The following PHTF2 variants were observed in gnomAD, a reference collection of about 807,000 sequenced individuals.
PHTF2 encodes putative homeodomain transcription factor 2.
A neutral mutation model predicts 101.2 loss-of-function variants in PHTF2; 60 were observed. That is an observed-to-expected ratio of 0.59 (90% confidence interval 0.48 to 0.73). PHTF2 has a LOEUF of 0.73. Among genes scored for constraint, PHTF2 ranks in the 30% least tolerant of loss-of-function variants. The pLI is 0.00. For synonymous variants in PHTF2, 311 were observed against 307.3 expected, an observed-to-expected ratio of 1.01 and a Z score of -0.13; for missense variants, 747 against 908.7, an observed-to-expected ratio of 0.82 and a Z score of 2.29.
intron 11 of PHTF2, chr7:77,923,724 A>G (rs1803697637): frequency 2.0e-6 from 2 of 985,086 alleles, no homozygotes; most frequent in South Asian, 4.7e-5. Context: ...GTCTTACTGT[A>G]TGTACTGTTA....
At chr7:77,950,092 C>CTAT (rs1396720426) in intron 17 of PHTF2, among the ~76,000 whole-genome samples, 1 of 152,112 alleles carries the variant, frequency 6.6e-6, no homozygotes, top group Admixed American at 6.5e-5. Flanking sequence ...GTATTTTAAA[C>CTAT]TATGAATGGG....
chr7:77,938,055 T>C (rs1584769607), intron 13 of PHTF2: 2 of 221,452 alleles, frequency 9.0e-6, no homozygotes, highest in East Asian at 9.2e-5. Flanking sequence ...TGACCAAGAA[T>C]AGATGATACG....
chr7:77,942,234 C>T (rs1164650196), intron 15 of PHTF2, among the ~76,000 whole-genome samples: 6 of 152,198 alleles, frequency 3.9e-5, no homozygotes, highest in Admixed American at 3.3e-4. Flanking sequence ...TATCTCAAAG[C>T]ATCCTATGTC....
intron 5 of PHTF2, 45 bp downstream of exon 4, chr7:77,894,038 T>C: frequency 4.9e-6 from 7 of 1,425,058 alleles, no homozygotes; most frequent in Non-Finnish European, 6.9e-6. Context: ...CCTGTGCAAA[T>C]GCTGGTCTGC....
At chr7:77,824,539 C>T (rs1041402195) in intron 1 of PHTF2, among the ~76,000 whole-genome samples, 1 of 152,088 alleles carries the variant, frequency 6.6e-6, no homozygotes, top group Non-Finnish European at 1.5e-5. Flanking sequence ...AATTCTCCTG[C>T]CTCAGCCTCC....
intron 1 of PHTF2, among the ~76,000 whole-genome samples, chr7:77,818,890 ATTTG>A (rs1316289385): frequency 1.3e-5 from 2 of 151,754 alleles, no homozygotes; most frequent in Non-Finnish European, 2.9e-5. Flanking sequence ...GATGTCTTTC[ATTTG>A]TTTGTATCCT....
chr7:77,866,899 A>G (rs1798112751), intron 3 of PHTF2, among the ~76,000 whole-genome samples: 1 of 152,248 alleles, frequency 6.6e-6, no homozygotes, highest in Non-Finnish European at 1.5e-5. Context: ...ACCAGAGTAT[A>G]TGCTATGATG....
At chr7:77,863,383 AG>A (rs573421577) in intron 3 of PHTF2, among the ~76,000 whole-genome samples, 114 of 152,326 alleles carry the variant, frequency 7.5e-4, no homozygotes, top group Middle Eastern at 3.4e-3. Flanking sequence ...TCAAAATGGT[AG>A]GCAGCAGGGT....
chr7:77,842,250 C>T (rs1175500819), intron 2 of PHTF2, among the ~76,000 whole-genome samples: 1 of 152,118 alleles, frequency 6.6e-6, no homozygotes, highest in Non-Finnish European at 1.5e-5. Flanking sequence ...TTAACACAGT[C>T]TGGAGTGCTG....
chr7:77,864,455 A>AT (rs1797892418), intron 3 of PHTF2, among the ~76,000 whole-genome samples: 1 of 152,054 alleles, frequency 6.6e-6, no homozygotes, highest in African/African-American at 2.4e-5. Flanking sequence ...GCCTATAACG[A>AT]TTTTTCTGGT....
chr7:77,923,084 T>C lies in PHTF2; in HGVS notation c.1119+306T>C, dbSNP rs138561796. ...AATCTGCAAACTCCTGTGTTCACTT[T>C]TTCCACAATTTGAAAGGCTTTATAC... On this transcript the variant is annotated intron_variant, in intron 11 of 19. Transcript: ENST00000416283. The C allele has an allele frequency of 1.8e-4, 191 of 1,042,624 alleles. 2 individuals carry two copies. The African/African-American group carries it at 3.0e-3, about 16-fold the overall frequency. The allele number at this position is 1,042,624 out of a possible 1,614,324, so 64.6% of individuals were successfully genotyped here.
chr7:77,811,433 C>G (rs1421724812), intron 1 of PHTF2, among the ~76,000 whole-genome samples: 3 of 152,182 alleles, frequency 2.0e-5, no homozygotes, highest in Non-Finnish European at 4.4e-5. Flanking sequence ...TATCCTACTA[C>G]TCTCAAACTT....
intron 1 of PHTF2, among the ~76,000 whole-genome samples, chr7:77,808,437 C>G (rs1793160958): frequency 6.6e-6 from 1 of 152,188 alleles, no homozygotes; most frequent in African/African-American, 2.4e-5. Context: ...GTCTCCTCAT[C>G]ATGAATTATA....
At chr7:77,942,429 T>A (rs1418240870) in intron 15 of PHTF2, among the ~76,000 whole-genome samples, 1 of 152,232 alleles carries the variant, frequency 6.6e-6, no homozygotes, top group Non-Finnish European at 1.5e-5. Flanking sequence ...AATAAATGAC[T>A]TGTGTTTGAC....
exon 16 of PHTF2, chr7:77,942,700 C>A: frequency 6.4e-7 from 1 of 1,572,678 alleles, no homozygotes; most frequent in Non-Finnish European, 8.7e-7. Flanking sequence ...CACCCTGCAG[C>A]GTCGAGGTCC....
chr7:77,956,560 A>C (rs1459242559), exon 20 of PHTF2: 1 of 152,564 alleles, frequency 6.6e-6, no homozygotes, highest in Non-Finnish European at 1.5e-5. Context: ...TTAAGAACAT[A>C]CTTAGTTTCT....
chr7:77,858,980 G>C (rs1797401865), intron 3 of PHTF2, among the ~76,000 whole-genome samples: 1 of 152,076 alleles, frequency 6.6e-6, no homozygotes, highest in Non-Finnish European at 1.5e-5. Context: ...AGCAAGGATG[G>C]GTTCCTTCTG....
At chr7:77,823,964 A>G (rs1455636589) in intron 1 of PHTF2, among the ~76,000 whole-genome samples, 1 of 152,250 alleles carries the variant, frequency 6.6e-6, no homozygotes, top group Non-Finnish European at 1.5e-5. Flanking sequence ...TAGTGAAAGT[A>G]AAGCAACAAT....
intron 9 of PHTF2, among the ~76,000 whole-genome samples, chr7:77,911,365 C>T (rs1416457882): frequency 6.6e-6 from 1 of 151,314 alleles, no homozygotes; most frequent in African/African-American, 2.4e-5. Context: ...AATATAATTA[C>T]AGCAAACATT....
Sources: allele counts gnomAD v4.1 joint callset (sites outside exome capture counted in the v4.1 genomes callset), GRCh38; gene constraint gnomAD v4.1.1; transcripts MANE v1.5; gene names NCBI Gene and HGNC (gene_info 2026-07-23, HGNC 2026-07-21).